Variants in DLEU7 observed in about 807,000 individuals in gnomAD.
DLEU7 encodes the protein leukemia-associated protein 7.
DLEU7 carries 17 observed loss-of-function variants against 16.0 expected under a neutral mutation model. The ratio of observed to expected loss-of-function variants is 1.06; its 90% CI spans 0.73 to 1.59. The LOEUF (loss-of-function observed/expected upper bound fraction) is 1.59. Among genes scored for constraint, DLEU7 ranks in the 40% most tolerant of loss-of-function variants. DLEU7 has a pLI of 0.00. For missense variants in DLEU7, 308 were observed against 314.9 expected (o/e 0.98, Z 0.17); for synonymous variants, 113 against 139.8 (o/e 0.81, Z 1.35).
chr13:50,790,255 G>A (rs1048787780), intron 1 of DLEU7, among the ~76,000 whole-genome samples: 1 of 151,998 alleles, frequency 6.6e-6, no homozygotes, highest in South Asian at 2.1e-4. Context: ...CTTGTCACAT[G>A]ATTATTTGTA....
upstream of DLEU7, chr13:50,843,715 G>C (rs1877773149): frequency 6.8e-7 from 1 of 1,467,906 alleles, no homozygotes; most frequent in East Asian, 2.9e-5. The surrounding 1 kb of genome is among the most constrained non-coding windows in gnomAD (Gnocchi z 5.7). Flanking sequence ...GGGGGCGTTG[G>C]GGTCGCCAAG....
At chr13:50,767,659 C>T (rs906302312) in intron 1 of DLEU7, among the ~76,000 whole-genome samples, 3 of 152,054 alleles carry the variant, frequency 2.0e-5, no homozygotes, top group South Asian at 2.1e-4. Context: ...AAAATAGGAC[C>T]AGAATTCAAG....
intron 1 of DLEU7, among the ~76,000 whole-genome samples, chr13:50,731,015 G>T (rs1393745503): frequency 6.6e-6 from 1 of 152,188 alleles, no homozygotes; most frequent in Admixed American, 6.5e-5. Context: ...AAGTACCCCT[G>T]ATTGGTCCCC....
chr13:50,825,908 G>A (rs923840185), intron 1 of DLEU7, among the ~76,000 whole-genome samples: 2 of 152,060 alleles, frequency 1.3e-5, no homozygotes, highest in African/African-American at 2.4e-5. Context: ...TGTGCACAAC[G>A]TGCAGGTTTG....
chr13:50,842,078 C>T (rs943488055), intron 1 of DLEU7, among the ~76,000 whole-genome samples: 5 of 151,974 alleles, frequency 3.3e-5, no homozygotes, highest in Non-Finnish European at 5.9e-5. Flanking sequence ...GGACAACCCC[C>T]GACAACAAAG....
intron 1 of DLEU7, among the ~76,000 whole-genome samples, chr13:50,796,460 G>A (rs974857875): frequency 1.3e-5 from 2 of 152,104 alleles, no homozygotes; most frequent in Non-Finnish European, 2.9e-5. Flanking sequence ...GGCCTGGGCA[G>A]GATGGTGTTA....
chr13:50,771,094 C>T (rs1465955683), intron 1 of DLEU7, among the ~76,000 whole-genome samples: 2 of 152,164 alleles, frequency 1.3e-5, no homozygotes, highest in African/African-American at 2.4e-5. Context: ...GTTTGTATTT[C>T]TGTGGAATCG....
intron 1 of DLEU7, among the ~76,000 whole-genome samples, chr13:50,747,129 T>C (rs1874422090): frequency 6.6e-6 from 1 of 152,140 alleles, no homozygotes; most frequent in Admixed American, 6.6e-5. Flanking sequence ...AGAATTGTTA[T>C]TGTTAAGTAA....
At chr13:50,810,382 CAAAGAAAGGTCATCT>C (rs1429056058) in intron 1 of DLEU7, among the ~76,000 whole-genome samples, 1 of 151,946 alleles carries the variant, frequency 6.6e-6, no homozygotes, top group Non-Finnish European at 1.5e-5. Context: ...TTTAATTTTA[CAAAGAAAGGTCATCT>C]AAACAAAACA....
chr13:50,756,714 C>A (rs1566240442), intron 1 of DLEU7, among the ~76,000 whole-genome samples: 2 of 152,160 alleles, frequency 1.3e-5, no homozygotes, highest in African/African-American at 4.8e-5. Flanking sequence ...TTTGCACCCT[C>A]CCCTGATTTC....
At chr13:50,827,907 A>G (rs1241995878) in intron 1 of DLEU7, among the ~76,000 whole-genome samples, 2 of 152,208 alleles carry the variant, frequency 1.3e-5, no homozygotes, top group African/African-American at 4.8e-5. Context: ...AAACACATTT[A>G]AATCTAAAAC....
chr13:50,840,883 T>C (rs189823422), intron 1 of DLEU7, among the ~76,000 whole-genome samples: 2 of 152,308 alleles, frequency 1.3e-5, no homozygotes, highest in Non-Finnish European at 2.9e-5. Flanking sequence ...TGGCCTCTAT[T>C]TTCTCAGAAA....
chr13:50,722,596 C>A (rs1442202889), intron 1 of DLEU7, among the ~76,000 whole-genome samples: 1 of 152,092 alleles, frequency 6.6e-6, no homozygotes, highest in Non-Finnish European at 1.5e-5. Context: ...CAGTGGAATT[C>A]CTTTTCTAAA....
At chr13:50,734,613 A>G (rs1814337684) in intron 1 of DLEU7, among the ~76,000 whole-genome samples, 1 of 152,118 alleles carries the variant, frequency 6.6e-6, no homozygotes, top group Non-Finnish European at 1.5e-5. Flanking sequence ...GACCTTAAAG[A>G]TAGATTAAAA....
At chr13:50,776,859 T>C (rs1167104452) in intron 1 of DLEU7, among the ~76,000 whole-genome samples, 1 of 152,232 alleles carries the variant, frequency 6.6e-6, no homozygotes, top group African/African-American at 2.4e-5. Context: ...AGCAGCCTAA[T>C]CAAATAATGG....
intron 1 of DLEU7, among the ~76,000 whole-genome samples, chr13:50,801,900 C>G (rs952267245): frequency 1.3e-5 from 2 of 151,828 alleles, no homozygotes; most frequent in African/African-American, 4.8e-5. Flanking sequence ...CCATTGTAAC[C>G]CCATTTTCAA....
chr13:50,799,696 C>G (rs1037435746), intron 1 of DLEU7, among the ~76,000 whole-genome samples: 1 of 152,128 alleles, frequency 6.6e-6, no homozygotes. Context: ...TACAAAATAT[C>G]TTTTCCTCTC....
At chr13:50,747,918 T>C (rs1874447462) in intron 1 of DLEU7, among the ~76,000 whole-genome samples, 1 of 152,190 alleles carries the variant, frequency 6.6e-6, no homozygotes, top group Non-Finnish European at 1.5e-5. Flanking sequence ...CTGGTGACCA[T>C]GGCAACTGGC....
chr13:50,808,373 A>G (rs1009621629), intron 1 of DLEU7, among the ~76,000 whole-genome samples: 12 of 152,166 alleles, frequency 7.9e-5, no homozygotes, highest in African/African-American at 2.7e-4. Flanking sequence ...TAAATATGTA[A>G]TATATCAAGA....
Sources: gnomAD v4.1 joint callset for allele counts (sites outside exome capture counted in the v4.1 genomes callset) on GRCh38, gnomAD v4.1.1 for gene constraint, Gnocchi (gnomAD v3.1) non-coding constraint, MANE v1.5 for transcripts, NCBI Gene and HGNC (gene_info 2026-07-23, HGNC 2026-07-21) for gene names.